The following MRTFB variants were observed in gnomAD, a reference collection of about 807,000 sequenced individuals.
MRTFB encodes myocardin related transcription factor B.
A neutral mutation model predicts 104.2 loss-of-function variants in MRTFB; 29 were observed. The ratio of observed to expected loss-of-function variants is 0.28; its 90% CI spans 0.21 to 0.38. The LOEUF (loss-of-function observed/expected upper bound fraction) is 0.38, where lower values mean the gene tolerates loss of function less well. MRTFB is among the 10% of genes least tolerant of loss of function. MRTFB has a pLI of 1.00. For missense variants in MRTFB, 1,270 were observed against 1,341.6 expected (o/e 0.95, Z 0.83); for synonymous variants, 535 against 519.5 (o/e 1.03, Z -0.41).
At chr16:14,185,930 C>T (rs1203393684) in intron 3 of MRTFB, among the ~76,000 whole-genome samples, 2 of 152,166 alleles carry the variant, frequency 1.3e-5, no homozygotes, top group African/African-American at 2.4e-5. Context: ...GAACAGCAGC[C>T]TGTGACTTGC....
chr16:14,110,478 T>G (rs1212302715), intron 2 of MRTFB, among the ~76,000 whole-genome samples: 1 of 152,158 alleles, frequency 6.6e-6, no homozygotes, highest in Non-Finnish European at 1.5e-5. Context: ...CTTCATGTCT[T>G]TGGGCCTCCA....
At position 14,247,445 on chromosome 16, in the gene MRTFB, G is replaced by A. The variant is rs1342427434; in HGVS notation, c.2185G>A (p.Val729Met). 1 of 1,603,854 alleles carries A rather than the reference G, an allele frequency of 6.2e-7. No homozygotes were observed. Among genetic ancestry groups the A allele is most frequent in the Non-Finnish European group, 8.5e-7 (1 of 1,178,334 alleles). Residue 729 changes from valine to methionine, a missense_variant, in exon 12 of 17, where the codon GTG becomes ATG. Around this residue, in one of 3 missense-constraint regions of MRTFB, gnomAD observed 1,144 missense variants for 1,131.5 expected, o/e 1.01. Transcript: ENST00000571589. ...GCAGACTGCTCAGCTGCTGCTCCCAGTGTCCATCCAGGGCTCGAGTGTCAC... is the reference window on the plus strand; with the variant it reads ...GCAGACTGCTCAGCTGCTGCTCCCAATGTCCATCCAGGGCTCGAGTGTCAC... ...TTQTAQLLLPVSIQGSSVTSV... is the reference protein window; with the variant it reads ...TTQTAQLLLPMSIQGSSVTSV...
At chr16:14,165,952 A>G (rs1281645311) in intron 3 of MRTFB, among the ~76,000 whole-genome samples, 5 of 152,364 alleles carry the variant, frequency 3.3e-5, no homozygotes, top group African/African-American at 1.2e-4. Flanking sequence ...CAAGAGGTAT[A>G]GCATTTGTGC....
At chr16:14,195,010 G>C (rs550476619) in intron 3 of MRTFB, among the ~76,000 whole-genome samples, 5 of 152,112 alleles carry the variant, frequency 3.3e-5, no homozygotes, top group East Asian at 1.9e-4. Flanking sequence ...ATGCACACAG[G>C]CTGGCAATTT....
At chr16:14,095,127 G>A (rs1477764797) in intron 2 of MRTFB, among the ~76,000 whole-genome samples, 1 of 152,218 alleles carries the variant, frequency 6.6e-6, no homozygotes, top group Admixed American at 6.5e-5. Context: ...GGCAGTGCAT[G>A]GAAGGTAAAT....
chr16:14,050,547 G>A, the MRTFB span, among the ~76,000 whole-genome samples: 2 of 152,130 alleles, frequency 1.3e-5, no homozygotes, highest in Admixed American at 1.3e-4. Context: ...GAGCCCAGGA[G>A]TTTGAGTCCA....
At chr16:14,235,933 C>T (rs1267289584) in intron 9 of MRTFB, among the ~76,000 whole-genome samples, 1 of 152,084 alleles carries the variant, frequency 6.6e-6, no homozygotes, top group East Asian at 1.9e-4. Context: ...GTAATCCCTG[C>T]ACTTTGGGAG....
At chr16:14,076,991 A>G (rs759689481) in intron 1 of MRTFB, among the ~76,000 whole-genome samples, 1 of 152,042 alleles carries the variant, frequency 6.6e-6, no homozygotes, top group Non-Finnish European at 1.5e-5. Flanking sequence ...GCTTTTTCTT[A>G]CTAATTTCTA....
the MRTFB span, among the ~76,000 whole-genome samples, chr16:14,003,662 C>G: frequency 7.3e-6 from 1 of 137,774 alleles, no homozygotes; most frequent in South Asian, 2.1e-4. Context: ...CCCTCCCTCC[C>G]TCCCTCCCTT....
the MRTFB span, among the ~76,000 whole-genome samples, chr16:14,025,384 A>G: frequency 1.3e-5 from 2 of 152,168 alleles, no homozygotes; most frequent in Non-Finnish European, 2.9e-5. Flanking sequence ...GGGTCTTCCT[A>G]TGTTGCTCAG....
intron 11 of MRTFB, 44 bp from the exon 12 acceptor site, chr16:14,246,429 A>C (rs1485548617): frequency 6.9e-6 from 11 of 1,588,044 alleles, no homozygotes; most frequent in Non-Finnish European, 9.4e-6. Flanking sequence ...TAGATTTGCC[A>C]GAAAGCTCTA....
At chr16:14,127,746 C>G (rs2037192159) in intron 2 of MRTFB, among the ~76,000 whole-genome samples, 1 of 150,838 alleles carries the variant, frequency 6.6e-6, no homozygotes, top group African/African-American at 2.4e-5. Context: ...GAGAACCACT[C>G]TACTCCTTTC....
intron 2 of MRTFB, among the ~76,000 whole-genome samples, chr16:14,110,493 CT>C (rs2036214863): frequency 6.6e-6 from 1 of 152,130 alleles, no homozygotes; most frequent in South Asian, 2.1e-4. Context: ...CCTCCACTTC[CT>C]CATTTATAAA....
chr16:14,219,373 A>ATGTC (rs2041582816), intron 8 of MRTFB, among the ~76,000 whole-genome samples: 1 of 152,220 alleles, frequency 6.6e-6, no homozygotes, highest in African/African-American at 2.4e-5. Context: ...GGAAATTTAC[A>ATGTC]TGTCTTTTAA....
chr16:14,203,145 T>C (rs1029193352), intron 3 of MRTFB, among the ~76,000 whole-genome samples: 1 of 148,966 alleles, frequency 6.7e-6, no homozygotes, highest in Non-Finnish European at 1.5e-5. Flanking sequence ...CTGCTCAGGC[T>C]TTTTTTTTTC....
At chr16:14,074,192 A>C (rs1168239596) in intron 1 of MRTFB, among the ~76,000 whole-genome samples, 2 of 152,210 alleles carry the variant, frequency 1.3e-5, no homozygotes, top group African/African-American at 4.8e-5. Flanking sequence ...AGAAGGCTAT[A>C]CTTTAAATTA....
the MRTFB span, among the ~76,000 whole-genome samples, chr16:14,016,605 T>C: frequency 6.6e-6 from 1 of 151,848 alleles, no homozygotes; most frequent in East Asian, 1.9e-4. Flanking sequence ...AAACGCTGTC[T>C]CTACTAAAAA....
intron 10 of MRTFB, among the ~76,000 whole-genome samples, chr16:14,242,134 C>A (rs762422730): frequency 6.6e-6 from 1 of 151,992 alleles, no homozygotes; most frequent in Non-Finnish European, 1.5e-5. Flanking sequence ...GATGAGGACG[C>A]TGTTATAAAA....
chr16:14,249,006 C>A lies in MRTFB; in HGVS notation c.2328C>A (p.Gly776=), dbSNP rs2043141058. 6.2e-7 allele frequency: 1 copy of A among 1,614,220 alleles called. No homozygotes were observed. The highest frequency in any genetic ancestry group is 8.5e-7 in the Non-Finnish European group (1 of 1,180,044). The part of the protein sequence containing the change: ...AQIPTAALAS[G]LAPTVPQTQD... ...TACCAACTGCTGCCTTGGCCTCAGG[C>A]TTGGCCCCAACTGTACCTCAGACAC... is the stretch of plus-strand genomic sequence containing the variant. Residue 776 remains glycine (G), a synonymous_variant, in exon 13 of 17, where the codon GGC becomes GGA. Coordinates refer to ENST00000571589, the MANE Select transcript of MRTFB (RefSeq NM_001308142.2).
Sources: gnomAD v4.1 joint callset for allele counts (sites outside exome capture counted in the v4.1 genomes callset) on GRCh38, gnomAD v4.1.1 for gene constraint, gnomAD v4.1.1 regional missense constraint, MANE v1.5 for transcripts, NCBI Gene and HGNC (gene_info 2026-07-23, HGNC 2026-07-21) for gene names.